SCD5: variants seen among roughly 807,000 people sequenced by gnomAD.
SCD5 encodes the protein stearoyl-CoA desaturase 5.
SCD5 carries 20 observed loss-of-function variants against 30.4 expected under a neutral mutation model. That is an observed-to-expected ratio of 0.66 (90% CI 0.46 to 0.96). The LOEUF (loss-of-function observed/expected upper bound fraction) is 0.96, where lower values mean the gene tolerates loss of function less well. SCD5 is among the 40% of genes least tolerant of loss of function. The pLI is 0.00. For missense variants in SCD5, 381 were observed against 443.3 expected, an observed-to-expected ratio of 0.86 and a Z score of 1.26; for synonymous variants, 173 against 176.4, an observed-to-expected ratio of 0.98 and a Z score of 0.16.
At chr4:82,744,850 G>A (rs535419376) in intron 1 of SCD5, among the ~76,000 whole-genome samples, 5 of 151,790 alleles carry the variant, frequency 3.3e-5, no homozygotes, top group South Asian at 4.2e-4. Context: ...TGGGTGGAGC[G>A]AGAGGGAAAG....
intron 2 of SCD5, among the ~76,000 whole-genome samples, chr4:82,704,611 G>T (rs1249870183): frequency 1.3e-5 from 2 of 152,188 alleles, no homozygotes; most frequent in African/African-American, 4.8e-5. Context: ...ACAACCCTGA[G>T]AATGAAGTTT....
intron 2 of SCD5, chr4:82,697,936 A>G (rs1719730401): frequency 8.9e-6 from 4 of 450,904 alleles, no homozygotes; most frequent in South Asian, 1.6e-5. Flanking sequence ...CTCTTTTCTC[A>G]TGACTTCCAA....
intron 3 of SCD5, among the ~76,000 whole-genome samples, chr4:82,643,461 A>T (rs1370879495): frequency 6.6e-6 from 1 of 152,228 alleles, no homozygotes; most frequent in Non-Finnish European, 1.5e-5. Flanking sequence ...TTAGTAAAAT[A>T]AACCAGACAA....
In SCD5 at chr4:82,719,946, C is replaced by T. The variant is rs555590411; in HGVS notation, c.233-14533G>A. ...CCTCCTGAGTAGCTAGGATTACAGG[C>T]GCACACCACCACGCCCAGCTAATTT... On this transcript the variant is annotated intron_variant, in intron 1 of 4. Transcript: ENST00000319540. Among the ~76,000 whole-genome samples the T allele has an allele frequency of 4.4e-4, 67 of 150,874 alleles. 1 individual carries two copies. The highest frequency in any genetic ancestry group is 1.5e-3 in the African/African-American group (61 of 40,560).
intron 1 of SCD5, among the ~76,000 whole-genome samples, chr4:82,780,376 T>C (rs1721841379): frequency 6.6e-6 from 1 of 152,146 alleles, no homozygotes; most frequent in Non-Finnish European, 1.5e-5. Context: ...CATCTCCCCT[T>C]CTAGATCTCG....
chr4:82,762,791 A>C (rs113936107), intron 1 of SCD5, among the ~76,000 whole-genome samples: 5 of 152,228 alleles, frequency 3.3e-5, no homozygotes, highest in African/African-American at 1.2e-4. Context: ...GGAAAAAAAT[A>C]TAGTGACACT....
chr4:82,740,278 C>T (rs904896302), intron 1 of SCD5, among the ~76,000 whole-genome samples: 2 of 152,178 alleles, frequency 1.3e-5, no homozygotes, highest in Non-Finnish European at 2.9e-5. Flanking sequence ...AACCTGAAGG[C>T]GAGGTTGTTT....
intron 1 of SCD5, among the ~76,000 whole-genome samples, chr4:82,760,843 G>T (rs112268686): frequency 6.6e-6 from 1 of 152,166 alleles, no homozygotes; most frequent in African/African-American, 2.4e-5. Context: ...TATCTAGACC[G>T]TCAGCTTCCC....
chr4:82,701,388 T>C (rs1578028235), intron 2 of SCD5, among the ~76,000 whole-genome samples: 2 of 152,284 alleles, frequency 1.3e-5, no homozygotes. Flanking sequence ...TTGGTAGATA[T>C]TGATCCAACT....
intron 1 of SCD5, among the ~76,000 whole-genome samples, chr4:82,750,801 GC>G (rs1386318661): frequency 3.9e-5 from 6 of 152,180 alleles, no homozygotes; most frequent in Non-Finnish European, 8.8e-5. Flanking sequence ...CATGTTTAAG[GC>G]CAAAGTGAAG....
At chr4:82,676,567 G>A (rs7687719) in intron 3 of SCD5, among the ~76,000 whole-genome samples, 103,322 of 152,148 alleles carry the variant, frequency 0.68, 35,452 homozygotes, top group Non-Finnish European at 0.74. Context: ...TGTATTTCCT[G>A]TTGGGAGAAC....
At chr4:82,635,627 A>AAAG (rs1162410317) in intron 4 of SCD5, among the ~76,000 whole-genome samples, 1 of 151,078 alleles carries the variant, frequency 6.6e-6, no homozygotes, top group African/African-American at 2.4e-5. Flanking sequence ...CTTAAAAAAA[A>AAAG]AAAAAAAAAA....
At chr4:82,759,114 T>C (rs1721293286) in intron 1 of SCD5, among the ~76,000 whole-genome samples, 3 of 152,226 alleles carry the variant, frequency 2.0e-5, no homozygotes, top group Admixed American at 2.0e-4. Context: ...TCCCTCAACC[T>C]GTCTTTTGCG....
intron 1 of SCD5, among the ~76,000 whole-genome samples, chr4:82,724,441 A>AC (rs1187770973): frequency 1.3e-5 from 2 of 151,968 alleles, no homozygotes; most frequent in African/African-American, 4.8e-5. Flanking sequence ...ACATGGTGAG[A>AC]CCCCCATCTT....
chr4:82,669,631 T>C lies in SCD5; in HGVS notation c.569+11076A>G, dbSNP rs187894179. 2.5e-3 allele frequency among the ~76,000 whole-genome samples: 376 copies of C among 152,292 alleles called. 1 individual carries two copies. Among genetic ancestry groups the C allele is most frequent in the Non-Finnish European group, 4.3e-3 (291 of 68,016 alleles). On this transcript the variant is annotated intron_variant, in intron 3 of 4. Coordinates refer to ENST00000319540, the MANE Select transcript of SCD5 (RefSeq NM_001037582.3). ...AAAATCTCCAAGGGGGATCTAGTCA[T>C]AGGGAGTCCCCCATGCTTTTGTGAC...
intron 2 of SCD5, among the ~76,000 whole-genome samples, chr4:82,693,407 C>T (rs895427015): frequency 6.6e-6 from 1 of 152,198 alleles, no homozygotes; most frequent in Non-Finnish European, 1.5e-5. Flanking sequence ...TGAATCTGCA[C>T]ACTTCTCATT....
chr4:82,740,480 A>G (rs1720849627), intron 1 of SCD5, among the ~76,000 whole-genome samples: 2 of 152,224 alleles, frequency 1.3e-5, no homozygotes, highest in South Asian at 4.1e-4. Context: ...CCAGGCCCCA[A>G]GGGGGAATCC....
chr4:82,792,126 G>A (rs1042249262), intron 1 of SCD5, among the ~76,000 whole-genome samples: 2 of 152,136 alleles, frequency 1.3e-5, no homozygotes, highest in African/African-American at 2.4e-5. Flanking sequence ...GCATGGCAGT[G>A]CATGCCTGTA....
At chr4:82,674,882 C>G (rs7676588) in intron 3 of SCD5, among the ~76,000 whole-genome samples, 1 of 151,928 alleles carries the variant, frequency 6.6e-6, no homozygotes, top group Non-Finnish European at 1.5e-5. Flanking sequence ...GAGAAGGCTA[C>G]ATACAGTATG....
Sources: gnomAD v4.1 joint callset for allele counts (sites outside exome capture counted in the v4.1 genomes callset) on GRCh38, gnomAD v4.1.1 for gene constraint, MANE v1.5 for transcripts, NCBI Gene and HGNC (gene_info 2026-07-23, HGNC 2026-07-21) for gene names.